Variants in PCLAF observed in about 807,000 individuals in gnomAD.
PCLAF encodes the protein PCNA-associated factor.
Under a neutral mutation model 15.1 loss-of-function variants are expected in PCLAF, and 12 were observed. That is an observed-to-expected ratio of 0.79 (90% CI 0.51 to 1.29). The LOEUF is 1.29. Among genes scored for constraint, PCLAF ranks in the 50% most tolerant of loss-of-function variants. PCLAF has a pLI of 0.00. For missense variants in PCLAF, 116 were observed against 130.9 expected (o/e 0.89, Z 0.56); for synonymous variants, 33 against 47.1 (o/e 0.70, Z 1.22).
chr15:64,368,774 T>TTTTTTTTTTTTTGAGACGGAGTCTC (rs1566964197), intron 3 of PCLAF, among the ~76,000 whole-genome samples: 1 of 152,170 alleles, frequency 6.6e-6, no homozygotes, highest in African/African-American at 2.4e-5. Flanking sequence ...AAGTTCTTTA[T>TTTTTTTTTTTTTGAGACGGAGTCTC]GAGAATACAT....
At chr15:64,376,133 GA>G (rs1035744847) in intron 3 of PCLAF, among the ~76,000 whole-genome samples, 1 of 152,088 alleles carries the variant, frequency 6.6e-6, no homozygotes, top group Non-Finnish European at 1.5e-5. Context: ...GCTGAGGCAG[GA>G]AAATTGCTTG....
chr15:64,369,933 T>C (rs1899209933), intron 3 of PCLAF, among the ~76,000 whole-genome samples: 1 of 152,194 alleles, frequency 6.6e-6, no homozygotes, highest in Non-Finnish European at 1.5e-5. Flanking sequence ...GGTCAAGATC[T>C]GTTGGATCTG....
intron 3 of PCLAF, among the ~76,000 whole-genome samples, chr15:64,370,860 T>G (rs1899273593): frequency 6.7e-6 from 1 of 148,290 alleles, no homozygotes; most frequent in Non-Finnish European, 1.5e-5. Context: ...TTTTTTTAAG[T>G]ATTTACAGAA....
At chr15:64,386,098 C>T (rs1899929902), upstream of PCLAF, among the ~76,000 whole-genome samples, 1 of 152,090 alleles carries the variant, frequency 6.6e-6, no homozygotes, top group Admixed American at 6.6e-5. Flanking sequence ...AGAACCCTAA[C>T]ACAGGGACTG....
chr15:64,376,958 T>C (rs1437826450), intron 2 of PCLAF, 53 bp from the exon 3 acceptor site: 7 of 1,407,102 alleles, frequency 5.0e-6, no homozygotes, highest in Non-Finnish European at 6.9e-6. Flanking sequence ...ACAATCTCTA[T>C]TCCTTAAACA....
At chr15:64,378,409 T>C (rs1200220099) in intron 2 of PCLAF, among the ~76,000 whole-genome samples, 1 of 152,140 alleles carries the variant, frequency 6.6e-6, no homozygotes, top group Non-Finnish European at 1.5e-5. Context: ...CCATATAGAC[T>C]CTGAAGTTAT....
intron 2 of PCLAF, among the ~76,000 whole-genome samples, chr15:64,377,576 T>C (rs1465232222): frequency 1.5e-5 from 2 of 131,452 alleles, no homozygotes; most frequent in East Asian, 4.6e-4. Flanking sequence ...TGACACACTT[T>C]TTCCTAACAT....
upstream of PCLAF, among the ~76,000 whole-genome samples, chr15:64,382,145 C>T (rs1039455697): frequency 5.9e-5 from 9 of 152,152 alleles, no homozygotes; most frequent in African/African-American, 2.2e-4. Context: ...AATCCCAGCA[C>T]TTTGAGAGGC....
At chr15:64,387,679 G>A in exon 1 of PCLAF, 1 of 1,409,284 alleles carries the variant, frequency 7.1e-7, no homozygotes, top group Non-Finnish European at 9.3e-7. Flanking sequence ...GCACAAGGAA[G>A]TAGACAACAA....
At chr15:64,387,509 T>A (rs1201098849) in exon 1 of PCLAF, 1 of 1,302,966 alleles carries the variant, frequency 7.7e-7, no homozygotes. Flanking sequence ...ATTAAAAAGC[T>A]GGCCTCTCAG....
At chr15:64,381,483 C>T, upstream of PCLAF, 1 of 1,597,652 alleles carries the variant, frequency 6.3e-7, no homozygotes, top group Admixed American at 1.7e-5. Flanking sequence ...GGTCTCTTTC[C>T]CGCGCGCTCC....
rs748382839 is a variant in PCLAF at position 64,365,987 on chromosome 15, A to C, written c.*43T>G. ...ATGTAAATTTACATTCTAGAATACC[A>C]GGGTAAACAAGGAGACGTTATTCAA... On this transcript the variant is annotated 3_prime_UTR_variant, in exon 4 of 4. Coordinates refer to ENST00000300035, the MANE Select transcript of PCLAF (RefSeq NM_014736.6). 45 of 1,447,312 alleles carry C rather than the reference A, an allele frequency of 3.1e-5. No homozygotes were observed. The highest frequency in any genetic ancestry group is 4.4e-5 in the Non-Finnish European group (45 of 1,032,938). 89.7% of individuals were successfully genotyped at this position (1,447,312 alleles called of 1,614,324 possible).
chr15:64,379,247 C>T (rs537442093), intron 2 of PCLAF, among the ~76,000 whole-genome samples: 1 of 152,028 alleles, frequency 6.6e-6, no homozygotes, highest in African/African-American at 2.4e-5. Context: ...TAGGCTGAGG[C>T]GGGAGGATTG....
chr15:64,367,571 C>T (rs1289260925), intron 3 of PCLAF, among the ~76,000 whole-genome samples: 8 of 151,230 alleles, frequency 5.3e-5, no homozygotes, highest in East Asian at 2.0e-4. Context: ...TTTTTTGAGA[C>T]GGAGTCTCGC....
At chr15:64,376,624 G>T (rs1899610276) in intron 3 of PCLAF, 119 bp downstream of exon 3, 6 of 695,018 alleles carry the variant, frequency 8.6e-6, no homozygotes, top group Non-Finnish European at 1.4e-5. Context: ...CCACCATGTT[G>T]GACAGGCTGG....
chr15:64,379,171 T>C (rs1899732251), intron 2 of PCLAF, among the ~76,000 whole-genome samples: 1 of 151,902 alleles, frequency 6.6e-6, no homozygotes. Context: ...GACGATGAGA[T>C]GCGGCTCTAA....
At chr15:64,380,445 C>T (rs182956608) in intron 2 of PCLAF, among the ~76,000 whole-genome samples, 6 of 151,966 alleles carry the variant, frequency 3.9e-5, no homozygotes, top group Admixed American at 3.9e-4. Context: ...GATAGGCTGG[C>T]TGTGGTGGCT....
At chr15:64,373,527 A>G in intron 3 of PCLAF, 1 of 1,181,422 alleles carries the variant, frequency 8.5e-7, no homozygotes, top group East Asian at 3.0e-5. Context: ...AGGGCAAGCA[A>G]GACCACAAGG....
Position 64,365,999 on chromosome 15 carries a change from G to A in PCLAF, c.*31C>T, listed in dbSNP as rs1340101417. 7 of 1,554,870 alleles carry A rather than the reference G, an allele frequency of 4.5e-6. No homozygotes were observed. The African/African-American group carries it at 5.4e-5, about 12-fold the overall frequency. On this transcript the variant is annotated 3_prime_UTR_variant, in exon 4 of 4. Coordinates refer to ENST00000300035, the MANE Select transcript of PCLAF (RefSeq NM_014736.6). ...ATTCTAGAATACCAGGGTAAACAAG[G>A]AGACGTTATTCAAAGATGAATGAGA...
Sources: allele counts gnomAD v4.1 joint callset (sites outside exome capture counted in the v4.1 genomes callset), GRCh38; gene constraint gnomAD v4.1.1; transcripts MANE v1.5; gene names NCBI Gene and HGNC (gene_info 2026-07-23, HGNC 2026-07-21).